SHOX: variants seen among roughly 807,000 people sequenced by gnomAD.
The protein encoded by SHOX is SHOX homeobox.
SHOX carries 12 observed loss-of-function variants against 29.6 expected under a neutral mutation model. The observed-to-expected ratio is 0.41, with a 90% CI of 0.26 to 0.66. SHOX has a LOEUF of 0.66. Among genes scored for constraint, SHOX ranks in the 30% least tolerant of loss-of-function variants. SHOX has a pLI of 0.35. For missense variants in SHOX, 499 were observed against 437.7 expected, an observed-to-expected ratio of 1.14 and a Z score of -1.25; for synonymous variants, 214 against 200.6, an observed-to-expected ratio of 1.07 and a Z score of -0.57.
downstream of SHOX, among the ~76,000 whole-genome samples, chrX:654,234 T>G (rs2053106590): frequency 1.3e-5 from 2 of 151,890 alleles, no homozygotes; most frequent in Admixed American, 1.3e-4. Context: ...CCCAGGAGAT[T>G]GAGACCAGCC....
In SHOX at chrX:644,804, C is replaced by T; in HGVS notation, c.*168C>T. 1 of 892,146 alleles carries T rather than the reference C, an allele frequency of 1.1e-6. No individual in the cohort carries two copies. The highest frequency in any genetic ancestry group is 1.5e-6 in the Non-Finnish European group (1 of 650,394). The allele number at this position is 892,146 out of a possible 1,614,324, so 55.3% of individuals were successfully genotyped here. Reference sequence around the variant, plus strand: ...GAGGAGGGAGGCTCCCGGGACCGTCCACGCACGACCCAGCCAGACCCTCGC... The same window carrying T: ...GAGGAGGGAGGCTCCCGGGACCGTCTACGCACGACCCAGCCAGACCCTCGC... On this transcript the variant is annotated 3_prime_UTR_variant, in exon 5 of 5. Coordinates refer to ENST00000686671, the MANE Select transcript of SHOX (RefSeq NM_000451.4).
intron 2 of SHOX, among the ~76,000 whole-genome samples, chrX:638,759 CCATGCACAGTGT>C (rs1185800862): frequency 5.9e-5 from 9 of 152,200 alleles, no homozygotes; most frequent in Non-Finnish European, 1.2e-4. Context: ...CGGCCCTGGG[CCATGCACAGTGT>C]GTAAGGGTGG....
At position 649,062 on chromosome X, in the gene SHOX, A is replaced by G. The variant is rs1023679741; in HGVS notation, c.*4426A>G. 1.4e-5 allele frequency among the ~76,000 whole-genome samples: 2 copies of G among 139,490 alleles called. No individual in the cohort carries two copies. Among genetic ancestry groups the G allele is most frequent in the African/African-American group, 5.4e-5 (2 of 37,092 alleles). The allele number at this position is 139,490 out of a possible 152,430, so 91.5% of individuals were successfully genotyped here. ...TTCTTTCTTCTTTCTTTCTTCGATG[A>G]AGTCTCACTCTGTCACCCAGGCTGG... On this transcript the variant is annotated 3_prime_UTR_variant, in exon 5 of 5. Transcript: ENST00000686671.
Position 634,766 on chromosome X carries a change from C to G in SHOX, c.426C>G (p.Pro142=), listed in dbSNP as rs143360725. 9.3e-6 allele frequency: 15 copies of G among 1,608,806 alleles called. No individual in the cohort carries two copies. The highest frequency in any genetic ancestry group is 2.2e-5 in the East Asian group (1 of 44,742). The change falls in exon 2 of 5, where the codon CCC becomes CCG. Residue 142 remains proline (P), a synonymous_variant. Coordinates refer to ENST00000686671, the MANE Select transcript of SHOX (RefSeq NM_000451.4). ...LERLFDETHY[P]DAFMREELSQ... is the part of the protein sequence containing the mutation. ...GACTCTTCGACGAGACCCATTACCC[C>G]GACGCCTTCATGCGCGAGGAGCTCA...
At chrX:630,221 A>T (rs1200671585), upstream of SHOX, among the ~76,000 whole-genome samples, 1 of 151,870 alleles carries the variant, frequency 6.6e-6, no homozygotes, top group Non-Finnish European at 1.5e-5. Context: ...GCCGCGTTCC[A>T]TCTCACCAAC....
chrX:652,791 G>T (rs1266487442), downstream of SHOX, among the ~76,000 whole-genome samples: 1 of 152,178 alleles, frequency 6.6e-6, no homozygotes, highest in African/African-American at 2.4e-5. Context: ...CACCCAGCCT[G>T]TGTGTGTCTT....
Position 630,815 on chromosome X carries a change from C to T in SHOX, c.-83C>T, listed in dbSNP as rs773855244. On this transcript the variant is annotated 5_prime_UTR_variant, in exon 1 of 5. Coordinates refer to ENST00000686671, the MANE Select transcript of SHOX (RefSeq NM_000451.4). ...CGTAAATAACAGCGCTGGTGATCCA[C>T]CCGCGCGCACGGGCCGTCCTCTCCG... 3.2e-6 allele frequency: 5 copies of T among 1,549,676 alleles called. No individual in the cohort carries two copies. Among genetic ancestry groups the T allele is most frequent in the Non-Finnish European group, 3.5e-6 (4 of 1,127,092 alleles).
chrX:636,331 C>CATAAACAT (rs1396127741), intron 2 of SHOX, among the ~76,000 whole-genome samples: 4 of 13,538 alleles, frequency 3.0e-4, no homozygotes, highest in Middle Eastern at 0.083. Flanking sequence ...TATATATAAA[C>CATAAACAT]ATATAAACAT....
upstream of SHOX, chrX:630,695 CGG>C (rs1569493045): frequency 4.8e-5 from 31 of 648,746 alleles, no homozygotes; most frequent in Non-Finnish European, 6.7e-5. Context: ...GCGTCCGCCG[CGG>C]AGCCCGGAGA....
chrX:625,095 T>TTCTCTCCC (rs1569491796), intron 1 of SHOX, among the ~76,000 whole-genome samples: 1 of 115,354 alleles, frequency 8.7e-6, no homozygotes, highest in African/African-American at 3.5e-5. Flanking sequence ...CCCTCCCTCC[T>TTCTCTCCC]TCCCTTTCTT....
At chrX:658,087 G>A (rs1569496915) in intron 5 of SHOX, among the ~76,000 whole-genome samples, 1 of 152,074 alleles carries the variant, frequency 6.6e-6, no homozygotes, top group East Asian at 1.9e-4. Context: ...CGATTCTCCT[G>A]CCTCAGCCTC....
chrX:634,960 A>T, intron 2 of SHOX, 134 bp downstream of exon 2: 1 of 940,012 alleles, frequency 1.1e-6, no homozygotes, highest in Non-Finnish European at 1.6e-6. Context: ...TGGGTGAGGG[A>T]CGGGCTGGGG....
chrX:624,766 T>G (rs1039662099), intron 1 of SHOX, among the ~76,000 whole-genome samples: 19 of 123,736 alleles, frequency 1.5e-4, no homozygotes, highest in African/African-American at 5.7e-4. Flanking sequence ...CTTGGCAAGA[T>G]TGGTTTTGGA....
rs1369380533 is a variant in SHOX, at chrX:649,161, C to T, written c.*4525C>T. 6.6e-6 allele frequency among the ~76,000 whole-genome samples: 1 copy of T among 152,028 alleles called. No homozygotes were observed. Among genetic ancestry groups the T allele is most frequent in the East Asian group, 1.9e-4 (1 of 5,182 alleles). On this transcript the variant is annotated 3_prime_UTR_variant, in exon 5 of 5. Coordinates refer to ENST00000686671, the MANE Select transcript of SHOX (RefSeq NM_000451.4). The stretch of plus-strand genomic sequence containing the variant: ...CAAGAAATTCTCCTGCCTCAGCCTC[C>T]CAAGTAGCTGGGATGACAGGCACCC...
chrX:634,961 C>A, intron 2 of SHOX, 135 bp downstream of exon 2: 3 of 925,692 alleles, frequency 3.2e-6, no homozygotes, highest in Non-Finnish European at 4.8e-6. Flanking sequence ...GGGTGAGGGA[C>A]GGGCTGGGGT....
chrX:624,900 TTCTCTC>T (rs756371711), intron 1 of SHOX, among the ~76,000 whole-genome samples: 1 of 79,818 alleles, frequency 1.3e-5, no homozygotes, highest in Non-Finnish European at 2.4e-5. Context: ...CTTTCTTTCT[TTCTCTC>T]TTCCTTTCTT....
Position 650,910 on chromosome X carries a change from G to A in SHOX, c.*6274G>A, listed in dbSNP as rs755059870. Among the ~76,000 whole-genome samples the A allele has an allele frequency of 6.7e-6, 1 of 149,062 alleles. No individual in the cohort carries two copies. The highest frequency in any genetic ancestry group is 2.5e-5 in the African/African-American group (1 of 40,614). On this transcript the variant is annotated 3_prime_UTR_variant, in exon 5 of 5. Coordinates refer to ENST00000686671, the MANE Select transcript of SHOX (RefSeq NM_000451.4). ...GGGTAAGTTGATGCCATTTATAAAT[G>A]TTTTATTGAAATTTGATATTTAATG...
chrX:652,896 G>A (rs1224511184), downstream of SHOX, among the ~76,000 whole-genome samples: 5 of 108,166 alleles, frequency 4.6e-5, no homozygotes, highest in African/African-American at 1.8e-4. Context: ...TTTTTTAGGG[G>A]CAAACGCAGG....
Position 644,545 on chromosome X carries a change from TCGC to T in SHOX, c.799_801del (p.Ala267del), listed in dbSNP as rs1442746039. 4.6e-6 allele frequency: 7 copies of T among 1,517,942 alleles called. No homozygotes were observed. Among genetic ancestry groups the T allele is most frequent in the East Asian group, 5.1e-5 (2 of 38,968 alleles). The allele number at this position is 1,517,942 out of a possible 1,614,324, so 94.0% of individuals were successfully genotyped here. ...GAGTCCGCCTCGGCCGCCGCCGTGG[TCGC>T]CGCCGCCGCCAAAAGCAACAGCAAG... On this transcript the variant is annotated inframe_deletion, in exon 5 of 5. Transcript: ENST00000686671.
Sources: allele counts gnomAD v4.1 joint callset (sites outside exome capture counted in the v4.1 genomes callset), GRCh38; gene constraint gnomAD v4.1.1; transcripts MANE v1.5; gene names NCBI Gene and HGNC (gene_info 2026-07-23, HGNC 2026-07-21).